Variants in JAKMIP2 observed in about 807,000 individuals in gnomAD.
JAKMIP2 encodes the protein janus kinase and microtubule interacting protein 2, also known as janus kinase and microtubule-interacting protein 2.
In JAKMIP2, 25 loss-of-function variants were observed where a neutral mutation model predicts 115.0. That is an observed-to-expected ratio of 0.22 (90% CI 0.16 to 0.30). The LOEUF (loss-of-function observed/expected upper bound fraction) is 0.30, where lower values mean the gene tolerates loss of function less well. Among genes scored for constraint, JAKMIP2 ranks in the 10% least tolerant of loss-of-function variants. The probability of loss-of-function intolerance (pLI) is 1.00; values close to 1 mark genes in which losing one functional copy is unlikely to be tolerated. For missense variants in JAKMIP2, 642 were observed against 957.6 expected, an observed-to-expected ratio of 0.67 and a Z score of 4.35; for synonymous variants, 334 against 343.6, an observed-to-expected ratio of 0.97 and a Z score of 0.31.
At chr5:147,607,339 A>G (rs1428042536) in intron 20 of JAKMIP2, among the ~76,000 whole-genome samples, 1 of 152,084 alleles carries the variant, frequency 6.6e-6, no homozygotes, top group Non-Finnish European at 1.5e-5. Flanking sequence ...TTATTTTGAG[A>G]TATGTTCCAT....
chr5:147,606,690 T>G (rs2126605900), intron 20 of JAKMIP2, among the ~76,000 whole-genome samples: 1 of 152,318 alleles, frequency 6.6e-6, no homozygotes, highest in East Asian at 1.9e-4. Flanking sequence ...CATATGAAAT[T>G]TAAAACAGTT....
At chr5:147,617,201 T>C (rs547831451) in intron 19 of JAKMIP2, among the ~76,000 whole-genome samples, 2 of 152,306 alleles carry the variant, frequency 1.3e-5, no homozygotes, top group East Asian at 1.9e-4. Flanking sequence ...ACATAAGTCA[T>C]GGATGACGGT....
chr5:147,775,548 T>A lies in JAKMIP2; in HGVS notation c.-149+6908A>T, dbSNP rs565982725. ...TCCACGGAAGTGTTCATAATCTTTC[T>A]TACTTATATTGTAGCATGTAGTGAG... On this transcript the variant is annotated intron_variant, in intron 1 of 21. Coordinates refer to ENST00000616793, the MANE Select transcript of JAKMIP2 (RefSeq NM_001270941.2). 9.2e-5 allele frequency among the ~76,000 whole-genome samples: 14 copies of A among 152,360 alleles called. No homozygotes were observed. In the South Asian group the frequency reaches 2.9e-3, roughly 32 times the overall value.
At chr5:147,714,757 G>A (rs1263054342) in intron 1 of JAKMIP2, among the ~76,000 whole-genome samples, 1 of 152,142 alleles carries the variant, frequency 6.6e-6, no homozygotes, top group Non-Finnish European at 1.5e-5. Context: ...CAAGAAGCAG[G>A]AGACAGTGGA....
At chr5:147,676,926 C>G (rs1759999423) in intron 1 of JAKMIP2, among the ~76,000 whole-genome samples, 1 of 152,176 alleles carries the variant, frequency 6.6e-6, no homozygotes, top group African/African-American at 2.4e-5. Context: ...ACATCAAAAT[C>G]TACTTGAGAG....
At chr5:147,657,689 C>T (rs1758748213) in intron 3 of JAKMIP2, among the ~76,000 whole-genome samples, 2 of 152,040 alleles carry the variant, frequency 1.3e-5, no homozygotes, top group Admixed American at 6.5e-5. Context: ...TTCTTGGAGG[C>T]TCTGTTCATT....
intron 21 of JAKMIP2, among the ~76,000 whole-genome samples, chr5:147,594,009 A>C (rs979747546): frequency 6.6e-6 from 1 of 152,260 alleles, no homozygotes; most frequent in Non-Finnish European, 1.5e-5. Context: ...GCATGTATGC[A>C]TCATTTCCAC....
At chr5:147,644,405 T>C (rs570372749) in intron 6 of JAKMIP2, among the ~76,000 whole-genome samples, 4 of 152,232 alleles carry the variant, frequency 2.6e-5, no homozygotes, top group East Asian at 3.9e-4. Flanking sequence ...AAGATCTCTA[T>C]AGATGTATTG....
chr5:147,719,135 A>G (rs1389598232), intron 1 of JAKMIP2, among the ~76,000 whole-genome samples: 5 of 133,138 alleles, frequency 3.8e-5, no homozygotes, highest in Non-Finnish European at 7.8e-5. Flanking sequence ...CAGGTTGTTC[A>G]GTTTCCATGT....
Position 147,645,004 on chromosome 5 carries a change from G to A in JAKMIP2, c.937-8C>T. 2 of 1,611,420 alleles carry A rather than the reference G, an allele frequency of 1.2e-6. No homozygotes were observed. The highest frequency in any genetic ancestry group is 2.2e-5 in the East Asian group (1 of 44,800). On this transcript the variant is annotated splice_region_variant and splice_polypyrimidine_tract_variant and intron_variant, in intron 5 of 21. Coordinates refer to ENST00000616793, the MANE Select transcript of JAKMIP2 (RefSeq NM_001270941.2). ...TTCCCGCACACGTTTTAACTGGGAA[G>A]AAATAAGTGAAGATTTGTGTCTTGC... is the stretch of plus-strand genomic sequence containing the variant.
chr5:147,744,336 T>A (rs1024645371), intron 1 of JAKMIP2, among the ~76,000 whole-genome samples: 2 of 152,178 alleles, frequency 1.3e-5, no homozygotes, highest in African/African-American at 4.8e-5. Flanking sequence ...CATGACCCTT[T>A]ATGTGACACC....
intron 6 of JAKMIP2, among the ~76,000 whole-genome samples, chr5:147,644,520 C>A (rs923781159): frequency 1.3e-5 from 2 of 152,108 alleles, no homozygotes; most frequent in Non-Finnish European, 2.9e-5. Flanking sequence ...ACAAGGTGTG[C>A]CTGGGGTATA....
intron 1 of JAKMIP2, among the ~76,000 whole-genome samples, chr5:147,689,401 G>A (rs1760727669): frequency 1.3e-5 from 2 of 152,176 alleles, no homozygotes; most frequent in Non-Finnish European, 2.9e-5. Context: ...CTAGTAAAAG[G>A]AGAAGACTGA....
chr5:147,696,227 G>A (rs903618843), intron 1 of JAKMIP2, among the ~76,000 whole-genome samples: 4 of 152,124 alleles, frequency 2.6e-5, no homozygotes, highest in Admixed American at 2.0e-4. Flanking sequence ...GTTTGGCTGT[G>A]TCCCCAGCCA....
At chr5:147,682,729 T>C (rs1256802104) in intron 1 of JAKMIP2, among the ~76,000 whole-genome samples, 3 of 152,204 alleles carry the variant, frequency 2.0e-5, no homozygotes, top group Non-Finnish European at 4.4e-5. Context: ...GGAAATTTCT[T>C]TTATTTTGCA....
chr5:147,721,258 C>CA (rs1753270732), intron 1 of JAKMIP2, among the ~76,000 whole-genome samples: 2 of 151,984 alleles, frequency 1.3e-5, no homozygotes, highest in Admixed American at 6.5e-5. Flanking sequence ...TCAAAGCTGT[C>CA]AGACAGGGAC....
In JAKMIP2 at chr5:147,726,434, G is replaced by C. The variant is rs547330167; in HGVS notation, c.-148-54480C>G. On this transcript the variant is annotated intron_variant, in intron 1 of 21. Coordinates refer to ENST00000616793, the MANE Select transcript of JAKMIP2 (RefSeq NM_001270941.2). ...GCCTGGCGTGCTGGCAAAAGGGTGG[G>C]AATTTCTTACCAGTCAGGCTTTGGG... Among the ~76,000 whole-genome samples the C allele has an allele frequency of 3.3e-5, 5 of 152,320 alleles. No individual in the cohort carries two copies. In the South Asian group the frequency reaches 1.0e-3, roughly 32 times the overall value.
At chr5:147,619,390 T>C (rs1050916600) in intron 18 of JAKMIP2, among the ~76,000 whole-genome samples, 3 of 152,104 alleles carry the variant, frequency 2.0e-5, no homozygotes, top group Admixed American at 6.6e-5. Flanking sequence ...CCCATTCTCT[T>C]CTTTCCCCAT....
intron 1 of JAKMIP2, among the ~76,000 whole-genome samples, chr5:147,705,785 T>C (rs968986323): frequency 1.3e-5 from 2 of 152,204 alleles, no homozygotes; most frequent in Non-Finnish European, 2.9e-5. Flanking sequence ...CTTCATATTA[T>C]GCATAATTAA....
Sources: allele counts gnomAD v4.1 joint callset (sites outside exome capture counted in the v4.1 genomes callset), GRCh38; gene constraint gnomAD v4.1.1; transcripts MANE v1.5; gene names NCBI Gene and HGNC (gene_info 2026-07-23, HGNC 2026-07-21).